ARL15: variants seen among roughly 807,000 people sequenced by gnomAD.
ARL15 encodes ADP-ribosylation factor-like protein 15.
Under a neutral mutation model 25.2 loss-of-function variants are expected in ARL15, and 19 were observed. That is an observed-to-expected ratio of 0.75 (90% confidence interval 0.53 to 1.10). The LOEUF (loss-of-function observed/expected upper bound fraction) is 1.10. ARL15 is among the 50% of genes least tolerant of loss of function. The pLI is 0.00. For missense variants in ARL15, 220 were observed against 246.0 expected (o/e 0.89, Z 0.71); for synonymous variants, 94 against 86.8 (o/e 1.08, Z -0.46).
At chr5:54,154,846 G>A (rs1754177887) in intron 2 of ARL15, among the ~76,000 whole-genome samples, 1 of 152,094 alleles carries the variant, frequency 6.6e-6, no homozygotes, top group African/African-American at 2.4e-5. Context: ...GTTGTGGCTG[G>A]GCACAGTGGC....
At chr5:54,285,993 G>C (rs1667473861) in intron 1 of ARL15, among the ~76,000 whole-genome samples, 1 of 152,146 alleles carries the variant, frequency 6.6e-6, no homozygotes, top group African/African-American at 2.4e-5. Context: ...ACTTGGGAAT[G>C]CCACCTACTT....
chr5:54,300,057 G>A (rs1463020033), intron 1 of ARL15, among the ~76,000 whole-genome samples: 4 of 152,076 alleles, frequency 2.6e-5, no homozygotes, highest in African/African-American at 7.2e-5. Context: ...AGATCATAGT[G>A]CATGACCCCA....
intron 4 of ARL15, among the ~76,000 whole-genome samples, chr5:54,083,182 T>C (rs1751859528): frequency 6.6e-6 from 1 of 152,114 alleles, no homozygotes; most frequent in Non-Finnish European, 1.5e-5. Context: ...AGAGAACAAA[T>C]CAAAGAATTG....
chr5:54,282,101 A>G (rs554723975), intron 1 of ARL15, among the ~76,000 whole-genome samples: 1 of 152,260 alleles, frequency 6.6e-6, no homozygotes, highest in Non-Finnish European at 1.5e-5. Flanking sequence ...AGAATTACTC[A>G]GTCACAAGAT....
At chr5:54,040,068 G>A (rs772081089) in intron 4 of ARL15, among the ~76,000 whole-genome samples, 10 of 152,012 alleles carry the variant, frequency 6.6e-5, no homozygotes, top group Admixed American at 2.6e-4. Flanking sequence ...AGTCCTCTTT[G>A]GATTTATTCT....
intron 2 of ARL15, among the ~76,000 whole-genome samples, chr5:54,167,614 T>C (rs984236787): frequency 1.3e-5 from 2 of 148,610 alleles, no homozygotes; most frequent in African/African-American, 4.8e-5. Context: ...TCACTCATCC[T>C]TGTGCTCACT....
At chr5:54,092,744 A>G (rs1752168399) in intron 4 of ARL15, among the ~76,000 whole-genome samples, 1 of 152,194 alleles carries the variant, frequency 6.6e-6, no homozygotes, top group South Asian at 2.1e-4. Context: ...GGTTTCTAAG[A>G]TATCTCTGAC....
At chr5:53,899,645 T>C (rs954185363) in intron 4 of ARL15, among the ~76,000 whole-genome samples, 27 of 152,122 alleles carry the variant, frequency 1.8e-4, no homozygotes, top group Admixed American at 1.6e-3. Context: ...AATTTCTAGC[T>C]TTTTTGATTG....
chr5:53,992,983 T>C (rs974624368), intron 4 of ARL15, among the ~76,000 whole-genome samples: 9 of 151,862 alleles, frequency 5.9e-5, no homozygotes, highest in African/African-American at 2.2e-4. Flanking sequence ...GAGGTGGAAG[T>C]TGCTGTGAGC....
At chr5:54,206,005 G>A (rs1403407608) in intron 1 of ARL15, among the ~76,000 whole-genome samples, 1 of 152,008 alleles carries the variant, frequency 6.6e-6, no homozygotes. Context: ...TCCACCCCCA[G>A]AATCTGTATT....
At chr5:54,158,647 G>T (rs1486053449) in intron 2 of ARL15, among the ~76,000 whole-genome samples, 1 of 152,210 alleles carries the variant, frequency 6.6e-6, no homozygotes, top group Non-Finnish European at 1.5e-5. Flanking sequence ...GGCCGAGGCG[G>T]GTGGATCACG....
chr5:54,129,955 T>C (rs577830859), intron 3 of ARL15, among the ~76,000 whole-genome samples: 1 of 152,342 alleles, frequency 6.6e-6, no homozygotes, highest in African/African-American at 2.4e-5. Flanking sequence ...TCTTAAAATA[T>C]TGGCTGGATG....
At chr5:54,285,974 G>C (rs756827664) in intron 1 of ARL15, among the ~76,000 whole-genome samples, 22 of 152,120 alleles carry the variant, frequency 1.4e-4, no homozygotes, top group Non-Finnish European at 2.9e-4. Flanking sequence ...CTCCAGAGTG[G>C]AAATAAACAC....
chr5:54,157,706 C>G (rs1354860992), intron 2 of ARL15, among the ~76,000 whole-genome samples: 1 of 152,078 alleles, frequency 6.6e-6, no homozygotes, highest in African/African-American at 2.4e-5. Flanking sequence ...CCTCCGCACC[C>G]AGCCCCCTAA....
chr5:54,231,370 C>G (rs1452264015), intron 1 of ARL15, among the ~76,000 whole-genome samples: 4 of 152,172 alleles, frequency 2.6e-5, no homozygotes, highest in African/African-American at 9.7e-5. Flanking sequence ...CCTCATCCAG[C>G]CTATAACATC....
intron 1 of ARL15, among the ~76,000 whole-genome samples, chr5:54,199,182 A>G (rs1455518453): frequency 6.6e-6 from 1 of 152,246 alleles, no homozygotes; most frequent in Non-Finnish European, 1.5e-5. Flanking sequence ...TAGACCTAAA[A>G]CCATAAAAAC....
chr5:54,230,814 T>C (rs1009584564), intron 1 of ARL15, among the ~76,000 whole-genome samples: 8 of 152,254 alleles, frequency 5.3e-5, no homozygotes, highest in African/African-American at 1.9e-4. Context: ...TGCAGTCCTT[T>C]GTAGTTACAA....
chr5:53,884,970 A>C lies in ARL15; in HGVS notation c.*1591T>G, dbSNP rs556810526. On this transcript the variant is annotated 3_prime_UTR_variant, in exon 5 of 5. Coordinates refer to ENST00000504924, the MANE Select transcript of ARL15 (RefSeq NM_019087.3). Reference sequence around the variant, plus strand: ...CTATGTATCCTTCCTGATTCATGACATTAAAAAAAAAAAGCTTAAAGAAGT... The same window carrying C: ...CTATGTATCCTTCCTGATTCATGACCTTAAAAAAAAAAAGCTTAAAGAAGT... The C allele has an allele frequency of 6.6e-6, 1 of 152,634 alleles. No individual in the cohort carries two copies. Among genetic ancestry groups the C allele is most frequent in the South Asian group, 2.1e-4 (1 of 4,824 alleles). 9.5% of individuals were successfully genotyped at this position (152,634 alleles called of 1,614,324 possible). A position where few individuals can be genotyped will look rare whatever the true frequency, so the allele number is the denominator to read the frequency against.
At chr5:54,264,637 T>A (rs1757577698) in intron 1 of ARL15, among the ~76,000 whole-genome samples, 1 of 152,094 alleles carries the variant, frequency 6.6e-6, no homozygotes, top group African/African-American at 2.4e-5. Context: ...AGCCATTGGC[T>A]CCTAAAAATT....
Sources: gnomAD v4.1 joint callset for allele counts (sites outside exome capture counted in the v4.1 genomes callset) on GRCh38, gnomAD v4.1.1 for gene constraint, MANE v1.5 for transcripts, NCBI Gene and HGNC (gene_info 2026-07-23, HGNC 2026-07-21) for gene names.